Variants in ZNF845 observed in about 807,000 individuals in gnomAD.
ZNF845 encodes zinc finger protein 845.
Under a neutral mutation model 76.1 loss-of-function variants are expected in ZNF845, and 59 were observed. That is an observed-to-expected ratio of 0.78 (90% confidence interval 0.63 to 0.96). ZNF845 has a LOEUF of 0.96. Among genes scored for constraint, ZNF845 ranks in the 40% least tolerant of loss-of-function variants. The pLI, the probability that ZNF845 is intolerant of heterozygous loss-of-function variation, is 0.00. For missense variants in ZNF845, 1,045 were observed against 1,172.8 expected (o/e 0.89, Z 1.59); for synonymous variants, 361 against 386.9 (o/e 0.93, Z 0.78).
rs1225845461 is a variant in ZNF845 at position 53,353,703 on chromosome 19, G to A, written c.*115G>A. The stretch of plus-strand genomic sequence containing the variant: ...AGAGTTTGTGACAAGAATCTTGGGC[G>A]TGATTCACACCTGGCCCAACAAACT... On this transcript the variant is annotated 3_prime_UTR_variant, in exon 4 of 4. Transcript: ENST00000458035. 2.7e-5 allele frequency: 41 copies of A among 1,518,790 alleles called. 2 individuals carry two copies. The highest frequency in any genetic ancestry group is 3.5e-4 in the Middle Eastern group (2 of 5,648). The allele number at this position is 1,518,790 out of a possible 1,614,324, so 94.1% of individuals were successfully genotyped here.
In ZNF845 at chr19:53,352,253, T is replaced by C. The variant is rs762514522; in HGVS notation, c.1578T>C (p.Asn526=). 10 of 1,613,772 alleles carry C rather than the reference T, an allele frequency of 6.2e-6. No individual in the cohort carries two copies. The highest frequency in any genetic ancestry group is 3.3e-5 in the Admixed American group (2 of 59,986). Residue 526 remains asparagine, a synonymous_variant, in exon 4 of 4, where the codon AAT becomes AAC. Coordinates refer to ENST00000458035, the MANE Select transcript of ZNF845 (RefSeq NM_138374.3). ...IHTGEKLYKC[N]ECGKTFSRKS... Reference sequence around the variant, plus strand: ...CTGGAGAGAAACTTTACAAGTGTAATGAATGTGGCAAGACCTTTAGTCGGA... The same window carrying C: ...CTGGAGAGAAACTTTACAAGTGTAACGAATGTGGCAAGACCTTTAGTCGGA...
At chr19:53,336,633 C>CTTTTTTTTTTTTTTT (rs398035035) in intron 1 of ZNF845, among the ~76,000 whole-genome samples, 191 of 92,250 alleles carry the variant, frequency 2.1e-3, no homozygotes, top group African/African-American at 2.2e-3. Context: ...TTCTTTCTTT[C>CTTTTTTTTTTTTTTT]TTTTTTTTTT....
At chr19:53,338,694 GCACACACACA>G (rs57616883) in intron 1 of ZNF845, among the ~76,000 whole-genome samples, 48 of 140,438 alleles carry the variant, frequency 3.4e-4, no homozygotes, top group East Asian at 1.4e-3. Context: ...CAACACGTGA[GCACACACACA>G]CACACACACA....
intron 1 of ZNF845, 86 bp from the exon 2 acceptor site, chr19:53,341,149 G>C (rs1400686118): frequency 8.2e-7 from 1 of 1,213,598 alleles, no homozygotes; most frequent in East Asian, 2.5e-5. Context: ...ATTTCCTCAG[G>C]GTGAGGTCTC....
In ZNF845 at chr19:53,353,112, C is replaced by T. The variant is rs185841540; in HGVS notation, c.2437C>T (p.Arg813Cys). Reference protein sequence around the residue: ...YKCNECGKNFRHNSALVIHKA... With the variant: ...YKCNECGKNFCHNSALVIHKA... ...GTGTAATGAATGTGGCAAGAACTTC[C>T]GTCACAATTCAGCCCTTGTAATTCA... The change falls in exon 4 of 4, where the codon CGT becomes TGT. Residue 813 changes from arginine to cysteine, a missense_variant. Arg to Cys is a radical substitution (Grantham distance 180). Transcript: ENST00000458035. 9.4e-4 allele frequency: 1,501 copies of T among 1,596,434 alleles called. 2 individuals are homozygous for T. The highest frequency in any genetic ancestry group is 3.2e-3 in the East Asian group (141 of 44,500).
chr19:53,347,672 T>G (rs1285818219), intron 3 of ZNF845, among the ~76,000 whole-genome samples: 1 of 152,196 alleles, frequency 6.6e-6, no homozygotes, highest in Non-Finnish European at 1.5e-5. Flanking sequence ...AAACTTCCTT[T>G]GTTTAATAAG....
rs1409598869 is a variant in ZNF845, at chr19:53,352,431, C to T, written c.1756C>T (p.Gln586Ter). Residue 586 changes from glutamine (Q) to a stop codon, truncating the protein, a stop_gained, in exon 4 of 4, where the codon CAA becomes TAA. Coordinates refer to ENST00000458035, the MANE Select transcript of ZNF845 (RefSeq NM_138374.3). LOFTEE classifies it high-confidence loss of function. The stretch of plus-strand genomic sequence containing the variant: ...ACTTTACAAATGTAATGATTGTCAC[C>T]AAGTCTTTAGTAATGCTACAACCAT... Reference protein sequence around the residue: ...GKLYKCNDCHQVFSNATTIAN... With the variant: ...GKLYKCNDCH 6 of 1,613,622 alleles carry T rather than the reference C, an allele frequency of 3.7e-6. No homozygotes were observed. Among genetic ancestry groups the T allele is most frequent in the Non-Finnish European group, 5.1e-6 (6 of 1,179,824 alleles).
chr19:53,340,743 C>T (rs1233144177), intron 1 of ZNF845: 2 of 301,014 alleles, frequency 6.6e-6, no homozygotes, highest in Non-Finnish European at 1.2e-5. Context: ...GTTAGAAGAC[C>T]TCATCCCTGC....
chr19:53,336,473 G>A (rs2085214194), intron 1 of ZNF845, among the ~76,000 whole-genome samples: 1 of 152,102 alleles, frequency 6.6e-6, no homozygotes, highest in African/African-American at 2.4e-5. Context: ...TGGTACCACT[G>A]CACTGCAGCC....
chr19:53,346,923 G>A (rs915870260), intron 3 of ZNF845, among the ~76,000 whole-genome samples: 4 of 150,418 alleles, frequency 2.7e-5, no homozygotes, highest in Non-Finnish European at 5.9e-5. Context: ...TTGTTCTGTT[G>A]CCTAGGCTGG....
chr19:53,347,337 C>T lies in ZNF845; in HGVS notation c.142+1705C>T, dbSNP rs144949170. ...TGTTGCCCAGGCTGGAGTGCAGTGG[C>T]GCAGTCTTGGCTAACTCCAACCTTT... On this transcript the variant is annotated intron_variant, in intron 3 of 3. Coordinates refer to ENST00000458035, the MANE Select transcript of ZNF845 (RefSeq NM_138374.3). Among the ~76,000 whole-genome samples the T allele has an allele frequency of 9.9e-4, 148 of 149,832 alleles. 2 individuals are homozygous for T. Among genetic ancestry groups the T allele is most frequent in the East Asian group, 7.1e-3 (36 of 5,054 alleles).
intron 2 of ZNF845, among the ~76,000 whole-genome samples, chr19:53,342,528 T>G (rs987832398): frequency 1.3e-5 from 2 of 152,204 alleles, no homozygotes; most frequent in African/African-American, 4.8e-5. Context: ...CCATAAAGCA[T>G]CTCTTTTCCC....
chr19:53,342,601 T>C (rs1285133754), intron 2 of ZNF845, among the ~76,000 whole-genome samples: 2 of 152,096 alleles, frequency 1.3e-5, no homozygotes, highest in African/African-American at 2.4e-5. Context: ...TTCTGTGCCA[T>C]GGGTCAGAGC....
At chr19:53,343,731 A>G (rs2085273635) in intron 2 of ZNF845, among the ~76,000 whole-genome samples, 1 of 152,078 alleles carries the variant, frequency 6.6e-6, no homozygotes, top group African/African-American at 2.4e-5. Context: ...ATTAACATCT[A>G]GTTTTTTGTG....
chr19:53,341,554 G>A (rs961189948), intron 2 of ZNF845, among the ~76,000 whole-genome samples: 12 of 152,050 alleles, frequency 7.9e-5, no homozygotes, highest in African/African-American at 2.4e-4. Flanking sequence ...GGCTCACACC[G>A]AGACATGGAT....
At chr19:53,346,611 G>T (rs1195449611) in intron 3 of ZNF845, among the ~76,000 whole-genome samples, 5 of 152,312 alleles carry the variant, frequency 3.3e-5, no homozygotes, top group South Asian at 4.1e-4. Flanking sequence ...AACCCGGGAG[G>T]CGGAGGTTGC....
Position 53,353,078 on chromosome 19 carries a change from A to C in ZNF845, c.2403A>C (p.Lys801Asn). 2.5e-6 allele frequency: 4 copies of C among 1,600,118 alleles called. No individual in the cohort carries two copies. Among genetic ancestry groups the C allele is most frequent in the Non-Finnish European group, 3.4e-6 (4 of 1,168,002 alleles). The change falls in exon 4 of 4, where the codon AAA (lysine) becomes AAC (asparagine). Residue 801 changes from lysine (K) to asparagine (N), a missense_variant. Transcript: ENST00000458035. The part of the protein sequence containing the change: ...AQHTRIHTGE[K>N]PYKCNECGKN... The stretch of plus-strand genomic sequence containing the variant: ...ATACTAGAATTCACACTGGAGAGAA[A>C]CCTTACAAGTGTAATGAATGTGGCA...
chr19:53,343,914 G>A (rs909355168), intron 2 of ZNF845, among the ~76,000 whole-genome samples: 9 of 152,046 alleles, frequency 5.9e-5, no homozygotes, highest in Non-Finnish European at 1.3e-4. Flanking sequence ...TCCACCCTCA[G>A]GCTCAAACCA....
chr19:53,356,637 T>C lies in ZNF845; in HGVS notation c.*3049T>C, dbSNP rs1046431682. On this transcript the variant is annotated 3_prime_UTR_variant, in exon 4 of 4. Transcript: ENST00000458035. ...TTTCTCAGGACGTTTATTTAGAAAA[T>C]TTGTAAATGAGGCCGGGCGTGGTGG... 2 of 151,902 alleles carry C rather than the reference T, an allele frequency of 1.3e-5. No homozygotes were observed. Among genetic ancestry groups the C allele is most frequent in the East Asian group, 1.9e-4 (1 of 5,142 alleles). 9.4% of individuals were successfully genotyped at this position (151,902 alleles called of 1,614,324 possible).
Sources: allele counts gnomAD v4.1 joint callset (sites outside exome capture counted in the v4.1 genomes callset), GRCh38; gene constraint gnomAD v4.1.1; transcripts MANE v1.5; gene names NCBI Gene and HGNC (gene_info 2026-07-23, HGNC 2026-07-21).